CDX2: variants seen among roughly 807,000 people sequenced by gnomAD.
The protein encoded by CDX2 is homeobox protein CDX-2.
CDX2 carries 7 observed loss-of-function variants against 25.5 expected under a neutral mutation model. That is an observed-to-expected ratio of 0.27 (90% CI 0.16 to 0.52). CDX2 has a LOEUF of 0.52. CDX2 is among the 20% of genes least tolerant of loss of function. The pLI, the probability that CDX2 is intolerant of heterozygous loss-of-function variation, is 0.97. For missense variants in CDX2, 375 were observed against 431.4 expected (o/e 0.87, Z 1.16); for synonymous variants, 222 against 198.6 (o/e 1.12, Z -0.99).
chr13:27,966,226 C>G (rs1347384809), intron 1 of CDX2, among the ~76,000 whole-genome samples: 1 of 152,250 alleles, frequency 6.6e-6, no homozygotes, highest in Non-Finnish European at 1.5e-5. Context: ...ATGGCGGCCC[C>G]GGCTTTCATC....
Position 27,961,953 on chromosome 13 carries a change from G to A in CDX2, c.*1162C>T, listed in dbSNP as rs532905596. 1.6e-4 allele frequency among the ~76,000 whole-genome samples: 24 copies of A among 152,268 alleles called. No homozygotes were observed. The highest frequency in any genetic ancestry group is 5.8e-4 in the African/African-American group (24 of 41,554). ...TCCAAGGCTGGGCTCAGGCTTGGGG[G>A]CAGGGAAGGTCTCAGAACCTGCTCT... On this transcript the variant is annotated 3_prime_UTR_variant, in exon 3 of 3. Transcript: ENST00000381020.
At chr13:27,968,383 C>G in intron 1 of CDX2, 83 bp downstream of exon 1, 1 of 1,365,028 alleles carries the variant, frequency 7.3e-7, no homozygotes, top group Non-Finnish European at 9.4e-7. Context: ...CCCCTGTGCG[C>G]ACTGGACGCG....
intron 1 of CDX2, among the ~76,000 whole-genome samples, chr13:27,965,887 C>A (rs1869294053): frequency 6.6e-6 from 1 of 152,244 alleles, no homozygotes; most frequent in South Asian, 2.1e-4. Flanking sequence ...AGAAGCTGTT[C>A]TCTCTGGCTC....
intron 1 of CDX2, among the ~76,000 whole-genome samples, chr13:27,965,283 A>T (rs187915145): frequency 1.3e-5 from 2 of 152,320 alleles, no homozygotes; most frequent in Admixed American, 1.3e-4. Flanking sequence ...CACAGAAGAC[A>T]GCAGAATGTA....
rs1016647201 is a variant in CDX2, at chr13:27,961,176, G to A, written c.*1939C>T. 1.3e-5 allele frequency among the ~76,000 whole-genome samples: 2 copies of A among 152,202 alleles called. No individual in the cohort carries two copies. The highest frequency in any genetic ancestry group is 2.9e-5 in the Non-Finnish European group (2 of 68,040). On this transcript the variant is annotated 3_prime_UTR_variant, in exon 3 of 3. Coordinates refer to ENST00000381020, the MANE Select transcript of CDX2 (RefSeq NM_001265.6). ...TCTGGCTTCGAGGCCAGGCGCCCGC[G>A]GGCCGGGCCACCGGAGCCCCTTTCC...
Position 27,968,658 on chromosome 13 carries a change from G to GGTGCGGATGGTA in CDX2, c.337_348dup (p.Tyr113_His116dup). On this transcript the variant is annotated inframe_insertion, in exon 1 of 3. Coordinates refer to ENST00000381020, the MANE Select transcript of CDX2 (RefSeq NM_001265.6). ...TGGTGCGGGTGGTGATGCGGGTGGT[G>GGTGCGGATGGTA]GTGCGGATGGTAGTCTGCGGGGCTG... 3 of 1,533,626 alleles carry GGTGCGGATGGTA rather than the reference G, an allele frequency of 2.0e-6. No homozygotes were observed. Among genetic ancestry groups the GGTGCGGATGGTA allele is most frequent in the Non-Finnish European group, 2.6e-6 (3 of 1,144,680 alleles).
At chr13:27,963,396 A>T (rs1406269699) in intron 2 of CDX2, 27 bp from the exon 3 acceptor site, 1 of 1,522,998 alleles carries the variant, frequency 6.6e-7, no homozygotes, top group Admixed American at 2.0e-5. Context: ...GGAGAAAAGC[A>T]CATTGTGGTG....
At chr13:27,965,164 AC>A in intron 1 of CDX2, 149 bp from the exon 2 acceptor site, 1 of 764,408 alleles carries the variant, frequency 1.3e-6, no homozygotes. Flanking sequence ...GTCTGACAAG[AC>A]CCCCCAGAGG....
In CDX2 at chr13:27,963,192, G is replaced by T. The variant is rs756333562; in HGVS notation, c.865C>A (p.Gln289Lys). ...GGGACAGAGCCAGGCACTGAGGCTT[G>T]CAGGGAAGACACCGGACTCAAGGGC... ...PEPLSPVSSL[Q>K]ASVPGSVPGV... Residue 289 changes from glutamine to lysine, a missense_variant, in exon 3 of 3, where the codon CAA becomes AAA. Gln to Lys is a moderately conservative substitution (Grantham distance 53, BLOSUM62 1). Coordinates refer to ENST00000381020, the MANE Select transcript of CDX2 (RefSeq NM_001265.6). 6.2e-7 allele frequency: 1 copy of T among 1,614,198 alleles called. No homozygotes were observed. The highest frequency in any genetic ancestry group is 1.1e-5 in the South Asian group (1 of 91,078).
chr13:27,968,943 C>A lies in CDX2; in HGVS notation c.64G>T (p.Gly22Cys). 1 of 1,608,298 alleles carries A rather than the reference C, an allele frequency of 6.2e-7. No homozygotes were observed. Residue 22 changes from glycine to cysteine, a missense_variant, in exon 1 of 3, where the codon GGC becomes TGC. Coordinates refer to ENST00000381020, the MANE Select transcript of CDX2 (RefSeq NM_001265.6). ...SMYPSSVRHS[G>C]GLNLAPQNFV... ...TTCTGCGGCGCCAGGTTGAGGCCGC[C>A]AGAGTGGCGCACGGAGCTAGGGTAC...
chr13:27,961,788 A>G lies in CDX2; in HGVS notation c.*1327T>C, dbSNP rs989955631. Among the ~76,000 whole-genome samples the G allele has an allele frequency of 5.9e-5, 9 of 152,144 alleles. No individual in the cohort carries two copies. The highest frequency in any genetic ancestry group is 3.3e-4 in the Admixed American group (5 of 15,274). The stretch of plus-strand genomic sequence containing the variant: ...CAGAAGGGAACTGCCTGCTGTTTGC[A>G]AAAAGCCTCCATGTGGATTTGGTGA... On this transcript the variant is annotated 3_prime_UTR_variant, in exon 3 of 3. Transcript: ENST00000381020.
rs1386884829 is a variant in CDX2, at chr13:27,964,574, C to T, written c.687+296G>A. 6.6e-6 allele frequency among the ~76,000 whole-genome samples: 1 copy of T among 152,080 alleles called. No individual in the cohort carries two copies. The highest frequency in any genetic ancestry group is 1.9e-4 in the East Asian group (1 of 5,164). ...TAAACATTAGCCAGTCATGGTGGCT[C>T]GAGCCTGTAGTCCAAGCTACTCAGG... On this transcript the variant is annotated intron_variant, in intron 2 of 2. Transcript: ENST00000381020. The surrounding 1 kb of genome is among the most constrained non-coding windows in gnomAD (Gnocchi z 4.7).
Position 27,969,097 on chromosome 13 carries a change from G to A in CDX2, c.-91C>T. The stretch of plus-strand genomic sequence containing the variant: ...GGGCACGAAGGGAAAGGGGCGAGGG[G>A]ACTCGAGGAGCGGCGGGTGGCTGCG... On this transcript the variant is annotated 5_prime_UTR_variant, in exon 1 of 3. Coordinates refer to ENST00000381020, the MANE Select transcript of CDX2 (RefSeq NM_001265.6). The A allele has an allele frequency of 1.0e-6, 1 of 972,668 alleles. No homozygotes were observed. The highest frequency in any genetic ancestry group is 1.5e-6 in the Non-Finnish European group (1 of 672,152). The allele number at this position is 972,668 out of a possible 1,614,324, so 60.3% of individuals were successfully genotyped here. A position where few individuals can be genotyped will look rare whatever the true frequency, so the allele number is the denominator to read the frequency against.
chr13:27,967,979 AC>A (rs568632599), intron 1 of CDX2, among the ~76,000 whole-genome samples: 3 of 151,428 alleles, frequency 2.0e-5, no homozygotes, highest in East Asian at 1.9e-4. Flanking sequence ...CCATCCTCCG[AC>A]CCCCCCAGGT....
rs745963387 is a variant in CDX2, at chr13:27,962,762, T to C, written c.*353A>G. 73 of 263,294 alleles carry C rather than the reference T, an allele frequency of 2.8e-4. No homozygotes were observed. Among genetic ancestry groups the C allele is most frequent in the Admixed American group, 8.2e-4 (16 of 19,480 alleles). The allele number at this position is 263,294 out of a possible 1,614,324, so 16.3% of individuals were successfully genotyped here. On this transcript the variant is annotated 3_prime_UTR_variant, in exon 3 of 3. Coordinates refer to ENST00000381020, the MANE Select transcript of CDX2 (RefSeq NM_001265.6). ...CTCTCCCCTCGGCTCTAGCCAGAGG[T>C]GCAGCCTGCAGATCTAGGAAGAGAA...
At chr13:27,968,370 A>G in intron 1 of CDX2, 96 bp downstream of exon 1, 1 of 1,327,014 alleles carries the variant, frequency 7.5e-7, no homozygotes. Context: ...ACAGCCCGGG[A>G]CGCCCCTGTG....
At chr13:27,968,387 G>A in intron 1 of CDX2, 79 bp downstream of exon 1, 5 of 1,371,792 alleles carry the variant, frequency 3.6e-6, no homozygotes, top group Non-Finnish European at 4.7e-6. Flanking sequence ...TGTGCGCACT[G>A]GACGCGCGAC....
intron 1 of CDX2, among the ~76,000 whole-genome samples, chr13:27,967,743 C>G (rs752838113): frequency 6.6e-6 from 1 of 152,234 alleles, no homozygotes; most frequent in East Asian, 1.9e-4. Context: ...CGTCTCCCTG[C>G]TCTCTCCGCA....
Position 27,964,818 on chromosome 13 carries a change from A to G in CDX2, c.687+52T>C. ...CCTGCAGCCAGATTTTCTAACTCTCATGGTCCTCTGCCAGGCAGTGGCCCG... is the reference window on the plus strand; with the variant it reads ...CCTGCAGCCAGATTTTCTAACTCTCGTGGTCCTCTGCCAGGCAGTGGCCCG... On this transcript the variant is annotated intron_variant, in intron 2 of 2. Coordinates refer to ENST00000381020, the MANE Select transcript of CDX2 (RefSeq NM_001265.6). The surrounding 1 kb of genome is among the most constrained non-coding windows in gnomAD (Gnocchi z 4.7). The G allele has an allele frequency of 2.5e-6, 4 of 1,590,800 alleles. No individual in the cohort carries two copies. In the South Asian group the frequency reaches 4.4e-5, roughly 18 times the overall value.
Sources: allele counts gnomAD v4.1 joint callset (sites outside exome capture counted in the v4.1 genomes callset), GRCh38; gene constraint gnomAD v4.1.1; non-coding constraint Gnocchi (gnomAD v3.1); transcripts MANE v1.5; gene names NCBI Gene and HGNC (gene_info 2026-07-23, HGNC 2026-07-21).